DAAM1: variants seen among roughly 807,000 people sequenced by gnomAD.
DAAM1 encodes disheveled-associated activator of morphogenesis 1.
A neutral mutation model predicts 130.0 loss-of-function variants in DAAM1; 52 were observed. The ratio of observed to expected loss-of-function variants is 0.40; its 90% CI spans 0.32 to 0.50. The LOEUF (loss-of-function observed/expected upper bound fraction) is 0.50, where lower values mean the gene tolerates loss of function less well. DAAM1 is among the 20% of genes least tolerant of loss of function. The pLI, the probability that DAAM1 is intolerant of heterozygous loss-of-function variation, is 0.61. For synonymous variants in DAAM1, 452 were observed against 444.5 expected, an observed-to-expected ratio of 1.02 and a Z score of -0.21; for missense variants, 1,134 against 1,303.8, an observed-to-expected ratio of 0.87 and a Z score of 2.01.
At chr14:59,324,643 G>C (rs1885140630) in intron 8 of DAAM1, among the ~76,000 whole-genome samples, 189 bp downstream of exon 8, 1 of 152,214 alleles carries the variant, frequency 6.6e-6, no homozygotes, top group Non-Finnish European at 1.5e-5. Context: ...AGCACATTAT[G>C]TAGAGAACTT....
chr14:59,360,844 C>T lies in DAAM1; in HGVS notation c.2676C>T (p.Gly892=), dbSNP rs1194988413. 8.1e-6 allele frequency: 13 copies of T among 1,613,738 alleles called. No homozygotes were observed. Among genetic ancestry groups the T allele is most frequent in the Non-Finnish European group, 1.0e-5 (12 of 1,179,888 alleles). ...LDKEISTLRS[G]LKAVETELEY... ...AAGAAATAAGTACCTTGAGAAGTGG[C>T]TTGAAAGCAGTAGAGACAGTGAGTA... Residue 892 remains glycine (G), a synonymous_variant, in exon 22 of 25, where the codon GGC becomes GGT. Coordinates refer to ENST00000360909, the MANE Select transcript of DAAM1 (RefSeq NM_001270520.2).
intron 3 of DAAM1, among the ~76,000 whole-genome samples, chr14:59,304,833 G>A (rs555177336): frequency 2.8e-4 from 43 of 152,298 alleles, no homozygotes; most frequent in African/African-American, 1.0e-3. Flanking sequence ...TTCTGAGGAT[G>A]CATCCCTGAA....
chr14:59,255,329 G>A (rs907708365), intron 1 of DAAM1, among the ~76,000 whole-genome samples: 18 of 152,034 alleles, frequency 1.2e-4, no homozygotes, highest in Admixed American at 8.5e-4. Flanking sequence ...TGAAACCTGC[G>A]GGGAACACAC....
intron 1 of DAAM1, among the ~76,000 whole-genome samples, chr14:59,259,880 T>C (rs1882087444): frequency 1.3e-5 from 2 of 152,044 alleles, no homozygotes; most frequent in Admixed American, 1.3e-4. Flanking sequence ...CCATCTCTAC[T>C]AAAAATACAA....
chr14:59,305,377 G>C (rs1332902507), intron 3 of DAAM1, among the ~76,000 whole-genome samples: 2 of 152,156 alleles, frequency 1.3e-5, no homozygotes, highest in Admixed American at 1.3e-4. Flanking sequence ...AACTGAGGGG[G>C]AGTTGTCATA....
chr14:59,306,794 G>A (rs555465827), intron 3 of DAAM1, among the ~76,000 whole-genome samples: 1 of 152,204 alleles, frequency 6.6e-6, no homozygotes, highest in African/African-American at 2.4e-5. Context: ...TCCAAGGGAG[G>A]TGGAATGGAA....
At chr14:59,275,049 C>G (rs1262773633) in intron 2 of DAAM1, among the ~76,000 whole-genome samples, 1 of 152,114 alleles carries the variant, frequency 6.6e-6, no homozygotes, top group African/African-American at 2.4e-5. Context: ...AAACAATCCT[C>G]TTGAGGGTGT....
chr14:59,245,541 C>A (rs1407996096), intron 1 of DAAM1, among the ~76,000 whole-genome samples: 2 of 152,132 alleles, frequency 1.3e-5, no homozygotes, highest in Non-Finnish European at 2.9e-5. Flanking sequence ...AGGGCCACCA[C>A]CCAGCAAGTA....
chr14:59,355,130 T>C, intron 19 of DAAM1, 35 bp from the exon 20 acceptor site: 1 of 1,594,072 alleles, frequency 6.3e-7, no homozygotes, highest in Non-Finnish European at 8.6e-7. Context: ...AACGAAACAC[T>C]TGGTAATCAT....
intron 3 of DAAM1, among the ~76,000 whole-genome samples, chr14:59,309,210 G>C (rs1884484471): frequency 6.6e-6 from 1 of 152,190 alleles, no homozygotes; most frequent in Non-Finnish European, 1.5e-5. Context: ...CAGATGGAAA[G>C]AGTTGGGGGC....
chr14:59,316,235 C>A (rs956123090), intron 4 of DAAM1, among the ~76,000 whole-genome samples: 1 of 152,100 alleles, frequency 6.6e-6, no homozygotes, highest in African/African-American at 2.4e-5. Flanking sequence ...AGAATACTTT[C>A]TTCTACCTCC....
intron 15 of DAAM1, among the ~76,000 whole-genome samples, chr14:59,335,683 T>G (rs1456329536): frequency 6.6e-6 from 1 of 152,050 alleles, no homozygotes; most frequent in Non-Finnish European, 1.5e-5. Context: ...CAGCCCTTCC[T>G]TAAGGATCCT....
intron 1 of DAAM1, among the ~76,000 whole-genome samples, chr14:59,234,433 C>CTGT (rs1316299602): frequency 1.3e-5 from 2 of 151,492 alleles, no homozygotes; most frequent in East Asian, 1.9e-4. Flanking sequence ...CTCTGCTTGT[C>CTGT]TATTGGTGTA....
chr14:59,257,073 C>T (rs145364054), intron 1 of DAAM1, among the ~76,000 whole-genome samples: 124 of 152,168 alleles, frequency 8.1e-4, no homozygotes, highest in African/African-American at 2.9e-3. Flanking sequence ...GCAAATATCC[C>T]AAGGATGGAA....
intron 12 of DAAM1, among the ~76,000 whole-genome samples, chr14:59,328,661 G>C (rs1247855282): frequency 1.3e-5 from 2 of 152,152 alleles, no homozygotes; most frequent in African/African-American, 4.8e-5. Context: ...CTCACAGCGT[G>C]GTTGTGAAGA....
At chr14:59,193,124 A>G (rs1309698122) in intron 1 of DAAM1, among the ~76,000 whole-genome samples, 1 of 152,252 alleles carries the variant, frequency 6.6e-6, no homozygotes, top group Non-Finnish European at 1.5e-5. Context: ...GGTACTATTT[A>G]AGAAACTGGT....
intron 15 of DAAM1, among the ~76,000 whole-genome samples, chr14:59,339,566 A>T (rs1730969798): frequency 1.3e-5 from 2 of 152,176 alleles, no homozygotes; most frequent in Admixed American, 1.3e-4. Flanking sequence ...AATGAAAGTT[A>T]CCATCTGGCT....
chr14:59,288,175 G>GACATCCTATTCAATAA (rs1883547087), intron 2 of DAAM1, among the ~76,000 whole-genome samples: 1 of 152,132 alleles, frequency 6.6e-6, no homozygotes, highest in Non-Finnish European at 1.5e-5. Flanking sequence ...GTAAAGAAAG[G>GACATCCTATTCAATAA]ACATCCTATT....
Position 59,325,744 on chromosome 14 carries a change from C to A in DAAM1, c.1056+14C>A. ...AGATTTGAACTGGTACGTATGCTTA[C>A]AATTATTCTGGTTTGATTCATCAGT... On this transcript the variant is annotated intron_variant, in intron 9 of 24. Coordinates refer to ENST00000360909, the MANE Select transcript of DAAM1 (RefSeq NM_001270520.2). The A allele has an allele frequency of 6.2e-7, 1 of 1,612,906 alleles. No homozygotes were observed. The highest frequency in any genetic ancestry group is 8.5e-7 in the Non-Finnish European group (1 of 1,178,988).
Sources: gnomAD v4.1 joint callset for allele counts (sites outside exome capture counted in the v4.1 genomes callset) on GRCh38, gnomAD v4.1.1 for gene constraint, MANE v1.5 for transcripts, NCBI Gene and HGNC (gene_info 2026-07-23, HGNC 2026-07-21) for gene names.